Variants in RIMOC1 observed in about 807,000 individuals in gnomAD.
The protein encoded by RIMOC1 is RAB7A interacting MON1-CCZ1 complex subunit 1, also known as RAB7A-interacting MON1-CCZ1 complex subunit 1.
chr5:41,916,783 C>A, the RIMOC1 span, among the ~76,000 whole-genome samples: 1 of 152,262 alleles, frequency 6.6e-6, no homozygotes, highest in African/African-American at 2.4e-5. Flanking sequence ...TAAAAAAATT[C>A]TCTGGTACTC....
At chr5:41,915,114 C>T in the RIMOC1 span, among the ~76,000 whole-genome samples, 1 of 152,252 alleles carries the variant, frequency 6.6e-6, no homozygotes, top group East Asian at 1.9e-4. Context: ...AAATTTTATG[C>T]AGTAAGCCCT....
the RIMOC1 span, chr5:41,921,301 C>G: frequency 6.6e-6 from 1 of 152,502 alleles, no homozygotes; most frequent in Non-Finnish European, 1.5e-5. Flanking sequence ...AGTTGGTTAA[C>G]ATGATGGTTT....
chr5:41,912,316 G>T, the RIMOC1 span: 10 of 573,310 alleles, frequency 1.7e-5, no homozygotes, highest in South Asian at 4.7e-5. Context: ...AGTAATAAAG[G>T]GTTTATATAA....
At chr5:41,909,743 TAG>T in the RIMOC1 span, 2 of 1,503,328 alleles carry the variant, frequency 1.3e-6, no homozygotes, top group Non-Finnish European at 8.9e-7. Context: ...TTTTTTTTTT[TAG>T]GCTATTTTGG....
At chr5:41,919,966 G>A in the RIMOC1 span, 12 of 152,244 alleles carry the variant, frequency 7.9e-5, no homozygotes, top group African/African-American at 2.6e-4. Context: ...GAATTAATGA[G>A]GCATGATTCT....
At chr5:41,914,288 G>A in the RIMOC1 span, among the ~76,000 whole-genome samples, 1 of 152,050 alleles carries the variant, frequency 6.6e-6, no homozygotes, top group Non-Finnish European at 1.5e-5. Context: ...AAAAGACACA[G>A]TATAGGCACC....
chr5:41,918,386 C>A, the RIMOC1 span: 3 of 985,816 alleles, frequency 3.0e-6, no homozygotes, highest in Non-Finnish European at 3.6e-6. Flanking sequence ...CCTTCTTACC[C>A]CCTTTTCTTG....
At chr5:41,908,056 G>A in the RIMOC1 span, among the ~76,000 whole-genome samples, 2 of 152,126 alleles carry the variant, frequency 1.3e-5, no homozygotes, top group Non-Finnish European at 2.9e-5. Context: ...GAAAAGTCAG[G>A]AAGAAAATCT....
chr5:41,910,030 T>C, the RIMOC1 span: 2 of 663,234 alleles, frequency 3.0e-6, no homozygotes, highest in Non-Finnish European at 4.9e-6. Flanking sequence ...TAAAAGAGCT[T>C]AACACTTCAG....
the RIMOC1 span, among the ~76,000 whole-genome samples, chr5:41,906,196 A>G: frequency 6.6e-6 from 1 of 152,174 alleles, no homozygotes; most frequent in Non-Finnish European, 1.5e-5. Context: ...TTTCTAGCCA[A>G]TTTTTGTTAA....
At chr5:41,916,284 A>G in the RIMOC1 span, 60 of 470,600 alleles carry the variant, frequency 1.3e-4, no homozygotes, top group Non-Finnish European at 1.7e-4. Flanking sequence ...AGTAATTTAT[A>G]CCCAGATCTT....
the RIMOC1 span, chr5:41,907,737 T>C: frequency 1.3e-6 from 2 of 1,592,170 alleles, no homozygotes; most frequent in Non-Finnish European, 1.7e-6. Context: ...TTCTTATAGA[T>C]CACTTTTTAA....
the RIMOC1 span, chr5:41,907,840 C>G: frequency 1.3e-6 from 2 of 1,591,118 alleles, no homozygotes; most frequent in Non-Finnish European, 1.7e-6. Context: ...ACTTTACACA[C>G]AGGTACTGAA....
the RIMOC1 span, among the ~76,000 whole-genome samples, chr5:41,908,698 C>T: frequency 4.6e-5 from 7 of 152,096 alleles, no homozygotes; most frequent in African/African-American, 1.4e-4. Context: ...TCAGAAGACT[C>T]TGTGCTTGTC....
the RIMOC1 span, chr5:41,916,888 G>A: frequency 1.3e-6 from 1 of 745,512 alleles, no homozygotes; most frequent in Non-Finnish European, 2.0e-6. Context: ...TTTGGCTTTT[G>A]TGTTACTGTT....
chr5:41,909,627 C>G, the RIMOC1 span: 1 of 553,102 alleles, frequency 1.8e-6, no homozygotes, highest in South Asian at 6.0e-5. Context: ...AATTTACATA[C>G]TGAGCTAGAA....
the RIMOC1 span, among the ~76,000 whole-genome samples, chr5:41,905,065 C>T: frequency 1.3e-5 from 2 of 152,178 alleles, no homozygotes; most frequent in Non-Finnish European, 2.9e-5. Context: ...TAGGGAATTG[C>T]CTCAACCTTC....
chr5:41,921,334 T>G, the RIMOC1 span: 1 of 152,544 alleles, frequency 6.6e-6, no homozygotes, highest in African/African-American at 2.4e-5. Flanking sequence ...CTCTTTTCTC[T>G]TTCTACCTTA....
At chr5:41,909,859 A>AATTTTAG in the RIMOC1 span, 1 of 1,580,488 alleles carries the variant, frequency 6.3e-7, no homozygotes, top group Non-Finnish European at 8.6e-7. Flanking sequence ...CAGAACCAGA[A>AATTTTAG]ATTTTAGTAA....
Sources: allele counts gnomAD v4.1 joint callset (sites outside exome capture counted in the v4.1 genomes callset), GRCh38; gene constraint gnomAD v4.1.1; transcripts MANE v1.5; gene names NCBI Gene and HGNC (gene_info 2026-07-23, HGNC 2026-07-21).